UNC5D: variants seen among roughly 807,000 people sequenced by gnomAD.
UNC5D encodes netrin receptor UNC5D.
In UNC5D, 39 loss-of-function variants were observed where a neutral mutation model predicts 105.4. The observed-to-expected ratio is 0.37, with a 90% CI of 0.29 to 0.48. The LOEUF (loss-of-function observed/expected upper bound fraction) is 0.48, where lower values mean the gene tolerates loss of function less well. Ranked by LOEUF, UNC5D falls within the 20% of genes least tolerant of loss-of-function variation. UNC5D has a pLI of 0.98. For missense variants in UNC5D, 991 were observed against 1,202.4 expected, an observed-to-expected ratio of 0.82 and a Z score of 2.60; for synonymous variants, 452 against 450.4, an observed-to-expected ratio of 1.00 and a Z score of -0.04.
intron 1 of UNC5D, among the ~76,000 whole-genome samples, chr8:35,387,063 G>T (rs1803451030): frequency 6.6e-6 from 1 of 151,924 alleles, no homozygotes; most frequent in African/African-American, 2.4e-5. Flanking sequence ...GTGCTTGTTA[G>T]AAATGCAGAT....
intron 3 of UNC5D, among the ~76,000 whole-genome samples, chr8:35,589,039 A>G (rs1818978639): frequency 6.6e-6 from 1 of 151,754 alleles, no homozygotes; most frequent in Non-Finnish European, 1.5e-5. Flanking sequence ...GCAAGACTTC[A>G]TCTCAAAAAA....
intron 1 of UNC5D, among the ~76,000 whole-genome samples, chr8:35,440,141 C>T (rs891462309): frequency 6.6e-6 from 1 of 151,984 alleles, no homozygotes; most frequent in East Asian, 1.9e-4. Context: ...AGCAATAGGC[C>T]TCTGGGGGCT....
intron 1 of UNC5D, among the ~76,000 whole-genome samples, chr8:35,390,501 A>G (rs1803703411): frequency 6.6e-6 from 1 of 152,058 alleles, no homozygotes; most frequent in Non-Finnish European, 1.5e-5. Flanking sequence ...AAAAAAAAAT[A>G]TTATGGAGAA....
At chr8:35,708,531 T>G (rs1043857537) in intron 8 of UNC5D, among the ~76,000 whole-genome samples, 5 of 152,170 alleles carry the variant, frequency 3.3e-5, no homozygotes, top group African/African-American at 4.8e-5. Flanking sequence ...CGGTAAAATA[T>G]AGTAGGTTCT....
intron 11 of UNC5D, among the ~76,000 whole-genome samples, chr8:35,731,355 C>T (rs1344500168): frequency 3.2e-5 from 4 of 126,962 alleles, no homozygotes; most frequent in Non-Finnish European, 6.3e-5. Context: ...GAGCCAAGAT[C>T]GTGCCACTGC....
At chr8:35,452,509 C>T (rs190194906) in intron 1 of UNC5D, among the ~76,000 whole-genome samples, 33 of 152,196 alleles carry the variant, frequency 2.2e-4, no homozygotes, top group African/African-American at 7.9e-4. Context: ...CGTCATCCAC[C>T]CACCTCAGCC....
rs1424979310 is a variant in UNC5D, at chr8:35,795,379, C to T, written c.*4816C>T. 2 of 152,128 alleles carry T rather than the reference C, an allele frequency of 1.3e-5. No homozygotes were observed. Among genetic ancestry groups the T allele is most frequent in the Non-Finnish European group, 2.9e-5 (2 of 68,020 alleles). 9.4% of individuals were successfully genotyped at this position (152,128 alleles called of 1,614,324 possible). On this transcript the variant is annotated 3_prime_UTR_variant, in exon 17 of 17. Transcript: ENST00000404895. ...TCACTAATTTCAAGCACTGTTTACA[C>T]TCAAATCCCAAAATTGGCCAAATTA...
At chr8:35,756,407 T>C (rs1344359573) in intron 13 of UNC5D, among the ~76,000 whole-genome samples, 1 of 152,126 alleles carries the variant, frequency 6.6e-6, no homozygotes, top group African/African-American at 2.4e-5. Flanking sequence ...TTATCCATTC[T>C]GAGTTTCAAG....
At chr8:35,653,598 C>T (rs993299324) in intron 4 of UNC5D, among the ~76,000 whole-genome samples, 1 of 152,194 alleles carries the variant, frequency 6.6e-6, no homozygotes, top group African/African-American at 2.4e-5. Context: ...TTCTTTGTCT[C>T]TTGGTGCTAC....
chr8:35,782,633 A>T (rs1352500818), intron 16 of UNC5D, among the ~76,000 whole-genome samples: 3 of 151,436 alleles, frequency 2.0e-5, no homozygotes, highest in South Asian at 2.1e-4. Flanking sequence ...CCTCCCAAGT[A>T]GCTGGGATTA....
At chr8:35,519,164 C>T (rs77131212) in intron 1 of UNC5D, among the ~76,000 whole-genome samples, 125 of 152,046 alleles carry the variant, frequency 8.2e-4, no homozygotes, top group African/African-American at 2.9e-3. Flanking sequence ...TCTTTTAGGT[C>T]ATTTGTATAG....
intron 1 of UNC5D, among the ~76,000 whole-genome samples, chr8:35,292,905 G>A (rs1034414284): frequency 2.0e-5 from 3 of 151,680 alleles, no homozygotes; most frequent in Non-Finnish European, 4.4e-5. Flanking sequence ...GGCCAGGGTG[G>A]TCTTGAACTC....
intron 1 of UNC5D, among the ~76,000 whole-genome samples, chr8:35,409,439 C>T (rs1298049259): frequency 6.7e-6 from 1 of 149,208 alleles, no homozygotes; most frequent in East Asian, 1.9e-4. Flanking sequence ...TCATTTTATC[C>T]TTCTAATAGG....
intron 1 of UNC5D, among the ~76,000 whole-genome samples, chr8:35,405,598 T>C (rs1804754654): frequency 6.6e-6 from 1 of 152,206 alleles, no homozygotes; most frequent in Non-Finnish European, 1.5e-5. Context: ...TCCACCTTTT[T>C]GTTTCTATTT....
chr8:35,249,073 T>C (rs1389296792), intron 1 of UNC5D, among the ~76,000 whole-genome samples: 1 of 119,178 alleles, frequency 8.4e-6, no homozygotes, highest in Admixed American at 1.1e-4. Context: ...ATATATATAA[T>C]ATATAAAAGT....
Position 35,288,613 on chromosome 8 carries a change from G to T in UNC5D, c.103+52726G>T, listed in dbSNP as rs1166941177. ...TATAAAACAATTGTATTCCTACTAG[G>T]AGGGTTAACACACAAAAAAATTGAA... On this transcript the variant is annotated intron_variant, in intron 1 of 16. Transcript: ENST00000404895. 5.3e-5 allele frequency among the ~76,000 whole-genome samples: 8 copies of T among 152,236 alleles called. No homozygotes were observed. The East Asian group carries it at 1.5e-3, about 29-fold the overall frequency.
intron 3 of UNC5D, among the ~76,000 whole-genome samples, chr8:35,576,537 TG>T (rs1447515771): frequency 6.6e-6 from 1 of 152,208 alleles, no homozygotes; most frequent in Non-Finnish European, 1.5e-5. Context: ...AATACATGTC[TG>T]GCAGTGATAC....
chr8:35,755,557 T>C (rs1830481536), intron 13 of UNC5D, among the ~76,000 whole-genome samples: 1 of 152,160 alleles, frequency 6.6e-6, no homozygotes, highest in Non-Finnish European at 1.5e-5. Context: ...TTAGTATCCC[T>C]GAAGCACACC....
At chr8:35,608,300 T>C (rs1240479301) in intron 4 of UNC5D, among the ~76,000 whole-genome samples, 1 of 152,218 alleles carries the variant, frequency 6.6e-6, no homozygotes, top group African/African-American at 2.4e-5. Context: ...ACAGAAATTC[T>C]CGGCTGAGAA....
Sources: gnomAD v4.1 joint callset for allele counts (sites outside exome capture counted in the v4.1 genomes callset) on GRCh38, gnomAD v4.1.1 for gene constraint, MANE v1.5 for transcripts, NCBI Gene and HGNC (gene_info 2026-07-23, HGNC 2026-07-21) for gene names.